Variants in SLC25A16 observed in about 807,000 individuals in gnomAD.
The protein encoded by SLC25A16 is mitochondrial coenzyme A transporter SLC25A16.
A neutral mutation model predicts 41.5 loss-of-function variants in SLC25A16; 39 were observed. The ratio of observed to expected loss-of-function variants is 0.94; its 90% CI spans 0.73 to 1.23. The LOEUF (loss-of-function observed/expected upper bound fraction) is 1.23, where lower values mean the gene tolerates loss of function less well. Among genes scored for constraint, SLC25A16 ranks in the 50% most tolerant of loss-of-function variants. SLC25A16 has a pLI of 0.00. For missense variants in SLC25A16, 421 were observed against 426.9 expected (o/e 0.99, Z 0.12); for synonymous variants, 146 against 147.8 (o/e 0.99, Z 0.09).
chr10:68,485,732 T>G (rs61856469), intron 8 of SLC25A16, among the ~76,000 whole-genome samples: 6,636 of 151,736 alleles, frequency 0.044, 214 homozygotes, highest in Middle Eastern at 0.084. Context: ...TGGAGTACAG[T>G]GGCGCCATCT....
chr10:68,505,829 T>C (rs2052943459), intron 3 of SLC25A16, among the ~76,000 whole-genome samples: 1 of 152,078 alleles, frequency 6.6e-6, no homozygotes, highest in Non-Finnish European at 1.5e-5. Context: ...GGTCAGGAGT[T>C]CAGGACCAGC....
chr10:68,522,088 G>A (rs2053259863), intron 1 of SLC25A16, among the ~76,000 whole-genome samples: 1 of 151,772 alleles, frequency 6.6e-6, no homozygotes, highest in Admixed American at 6.6e-5. Flanking sequence ...GCTTGAACTC[G>A]GGAGCCAGAA....
intron 3 of SLC25A16, among the ~76,000 whole-genome samples, chr10:68,506,186 T>G (rs1035258126): frequency 2.6e-5 from 4 of 152,190 alleles, no homozygotes; most frequent in African/African-American, 9.6e-5. Flanking sequence ...AGTAACTTTT[T>G]GGCCTGGTAC....
rs2052450033 is a variant in SLC25A16 at position 68,478,316 on chromosome 10, AAT to A, written c.*5114_*5115del. On this transcript the variant is annotated 3_prime_UTR_variant, in exon 9 of 9. Coordinates refer to ENST00000609923, the MANE Select transcript of SLC25A16 (RefSeq NM_152707.4). ...AGGAATGCCACATAATTCTTCAGGA[AAT>A]ATATGTAATTGTTATTATTTATCAC... is the stretch of plus-strand genomic sequence containing the variant. 1 of 149,290 alleles carries A rather than the reference AAT, an allele frequency of 6.7e-6. No homozygotes were observed. Among genetic ancestry groups the A allele is most frequent in the South Asian group, 2.1e-4 (1 of 4,834 alleles). The allele number at this position is 149,290 out of a possible 1,614,324, so 9.2% of individuals were successfully genotyped here.
chr10:68,515,526 C>T lies in SLC25A16; in HGVS notation c.223+1225G>A, dbSNP rs561846889. 8.5e-5 allele frequency among the ~76,000 whole-genome samples: 13 copies of T among 152,168 alleles called. No individual in the cohort carries two copies. In the South Asian group the frequency reaches 2.7e-3, roughly 32 times the overall value. ...TAAAAAATCAGACTGAGGCCAGGCT[C>T]GGTGGCTCACGCCTATAATCCCAGC... On this transcript the variant is annotated intron_variant, in intron 2 of 8. Transcript: ENST00000609923.
intron 1 of SLC25A16, among the ~76,000 whole-genome samples, chr10:68,518,638 GT>G: frequency 6.6e-6 from 1 of 151,748 alleles, no homozygotes; most frequent in African/African-American, 2.4e-5. Context: ...GCTGGGCATG[GT>G]GGTGCGTGCA....
At chr10:68,490,140 C>A (rs1000437303) in intron 6 of SLC25A16, among the ~76,000 whole-genome samples, 1 of 151,922 alleles carries the variant, frequency 6.6e-6, no homozygotes, top group Non-Finnish European at 1.5e-5. Context: ...TACGTGTCTG[C>A]AGTCCCAGTT....
chr10:68,504,907 C>T (rs943350429), intron 3 of SLC25A16, among the ~76,000 whole-genome samples: 2 of 151,932 alleles, frequency 1.3e-5, no homozygotes, highest in Admixed American at 6.6e-5. Flanking sequence ...CTCAAACTTC[C>T]GACCTCAGCT....
At chr10:68,498,142 C>A (rs997656475) in intron 4 of SLC25A16, among the ~76,000 whole-genome samples, 2 of 152,110 alleles carry the variant, frequency 1.3e-5, no homozygotes, top group African/African-American at 2.4e-5. Context: ...GCCGCTCCCC[C>A]ACTCCCACAA....
intron 8 of SLC25A16, among the ~76,000 whole-genome samples, chr10:68,486,046 C>T (rs1207426828): frequency 3.3e-5 from 5 of 150,850 alleles, no homozygotes; most frequent in African/African-American, 4.9e-5. Context: ...GGTGAAACCC[C>T]GTCTCTCCTA....
chr10:68,482,344 T>G lies in SLC25A16; in HGVS notation c.*1088A>C. The G allele has an allele frequency of 6.6e-6, 1 of 152,580 alleles. No individual in the cohort carries two copies. Among genetic ancestry groups the G allele is most frequent in the South Asian group, 2.1e-4 (1 of 4,828 alleles). 9.5% of individuals were successfully genotyped at this position (152,580 alleles called of 1,614,324 possible). A position where few individuals can be genotyped will look rare whatever the true frequency, so the allele number is the denominator to read the frequency against. The stretch of plus-strand genomic sequence containing the variant: ...TAAAAAGTACTCTAAACAGAATAAA[T>G]GGAATTCTTACATTTTAAAACATTT... On this transcript the variant is annotated 3_prime_UTR_variant, in exon 9 of 9. Transcript: ENST00000609923.
intron 1 of SLC25A16, among the ~76,000 whole-genome samples, chr10:68,526,488 G>C (rs977205666): frequency 1.3e-5 from 2 of 152,100 alleles, no homozygotes; most frequent in Non-Finnish European, 2.9e-5. Context: ...CTCAGAGGCT[G>C]GCGGGATCCT....
At chr10:68,514,798 C>T (rs911383004) in intron 2 of SLC25A16, among the ~76,000 whole-genome samples, 11 of 151,860 alleles carry the variant, frequency 7.2e-5, no homozygotes, top group Admixed American at 7.2e-4. Flanking sequence ...AGTGCAATGG[C>T]TTGATCTCAG....
At chr10:68,499,299 G>A (rs1281137771) in intron 4 of SLC25A16, among the ~76,000 whole-genome samples, 1 of 152,190 alleles carries the variant, frequency 6.6e-6, no homozygotes, top group Non-Finnish European at 1.5e-5. Context: ...CAGCAAGTAG[G>A]AGCAGACCAA....
chr10:68,513,578 T>C (rs531754295), intron 2 of SLC25A16, among the ~76,000 whole-genome samples: 2 of 152,230 alleles, frequency 1.3e-5, no homozygotes, highest in East Asian at 3.9e-4. Flanking sequence ...CATCTTTCTA[T>C]AAAACGATAT....
At chr10:68,487,298 G>T (rs180913025) in intron 7 of SLC25A16, 86 bp from the exon 8 acceptor site, 4 of 934,954 alleles carry the variant, frequency 4.3e-6, no homozygotes, top group African/African-American at 3.3e-5. Flanking sequence ...TAAATTCAAA[G>T]AAATAACGTG....
chr10:68,516,628 G>T, intron 2 of SLC25A16, 123 bp downstream of exon 2: 3 of 573,548 alleles, frequency 5.2e-6, no homozygotes, highest in South Asian at 2.8e-5. Flanking sequence ...AATTAAATGG[G>T]GAAAAAAGTT....
At chr10:68,520,558 T>TC (rs2053233600) in intron 1 of SLC25A16, among the ~76,000 whole-genome samples, 1 of 151,888 alleles carries the variant, frequency 6.6e-6, no homozygotes, top group Non-Finnish European at 1.5e-5. Context: ...ACACCTGTAA[T>TC]CCCAGCACTT....
intron 6 of SLC25A16, among the ~76,000 whole-genome samples, chr10:68,490,591 C>G (rs766707931): frequency 3.9e-5 from 6 of 152,034 alleles, no homozygotes; most frequent in African/African-American, 1.4e-4. Flanking sequence ...TCCACTCCCC[C>G]TCGGCCTCCC....
Sources: allele counts gnomAD v4.1 joint callset (sites outside exome capture counted in the v4.1 genomes callset), GRCh38; gene constraint gnomAD v4.1.1; transcripts MANE v1.5; gene names NCBI Gene and HGNC (gene_info 2026-07-23, HGNC 2026-07-21).